BMPER: variants seen among roughly 807,000 people sequenced by gnomAD.
BMPER encodes the protein BMP binding endothelial regulator.
A neutral mutation model predicts 87.3 loss-of-function variants in BMPER; 45 were observed. That is an observed-to-expected ratio of 0.52 (90% confidence interval 0.41 to 0.66). The LOEUF (loss-of-function observed/expected upper bound fraction) is 0.66. Ranked by LOEUF, BMPER falls within the 30% of genes least tolerant of loss-of-function variation. BMPER has a pLI of 0.00. For missense variants in BMPER, 784 were observed against 867.5 expected (o/e 0.90, Z 1.21); for synonymous variants, 326 against 316.2 (o/e 1.03, Z -0.33).
intron 6 of BMPER, among the ~76,000 whole-genome samples, chr7:34,011,557 C>A (rs1208700937): frequency 1.5e-5 from 2 of 136,224 alleles, no homozygotes; most frequent in Non-Finnish European, 3.1e-5. Context: ...TGTAAATAGG[C>A]CTTTGCTGCT....
intron 11 of BMPER, among the ~76,000 whole-genome samples, chr7:34,078,508 T>C (rs1788924366): frequency 6.6e-6 from 1 of 152,248 alleles, no homozygotes; most frequent in African/African-American, 2.4e-5. Context: ...ATATACTTAC[T>C]TTGCTCTTGT....
At chr7:33,961,078 G>A (rs1047693148) in intron 3 of BMPER, among the ~76,000 whole-genome samples, 4 of 152,154 alleles carry the variant, frequency 2.6e-5, no homozygotes, top group African/African-American at 9.7e-5. Flanking sequence ...GAACATGGAT[G>A]AGATTCAGGC....
At position 34,103,779 on chromosome 7, in the gene BMPER, G is replaced by A. The variant is rs1028910993; in HGVS notation, c.1745+17687G>A. ...ACAGGTTTGAAGAGCTGCTATAAAG[G>A]GAGGCCTCTTGTGACCTTTGAGAGA... On this transcript the variant is annotated intron_variant, in intron 13 of 14. Transcript: ENST00000649409. 6.6e-5 allele frequency among the ~76,000 whole-genome samples: 10 copies of A among 152,286 alleles called. No homozygotes were observed. In the East Asian group the frequency reaches 1.7e-3, roughly 27 times the overall value.
chr7:33,996,184 A>T (rs1352776397), intron 6 of BMPER, among the ~76,000 whole-genome samples: 1 of 152,100 alleles, frequency 6.6e-6, no homozygotes, highest in Non-Finnish European at 1.5e-5. Flanking sequence ...CTTTAGTAAA[A>T]CTGTAGGGCT....
chr7:33,983,856 G>GA (rs1785924550), intron 6 of BMPER, among the ~76,000 whole-genome samples: 1 of 152,094 alleles, frequency 6.6e-6, no homozygotes, highest in Admixed American at 6.6e-5. Flanking sequence ...AAGCATTGGG[G>GA]AAAAAAACCC....
intron 6 of BMPER, among the ~76,000 whole-genome samples, chr7:33,996,534 G>C (rs1238857027): frequency 2.0e-5 from 3 of 152,182 alleles, no homozygotes; most frequent in Non-Finnish European, 4.4e-5. Context: ...ATAGTGGTTT[G>C]TAGTCTGAAT....
At chr7:34,048,964 CAG>C (rs1788067420) in intron 7 of BMPER, among the ~76,000 whole-genome samples, 2 of 152,142 alleles carry the variant, frequency 1.3e-5, no homozygotes, top group Admixed American at 6.5e-5. Flanking sequence ...CAGCAAGAAA[CAG>C]AGACAAAAAA....
At chr7:34,041,959 C>T (rs147581907) in intron 6 of BMPER, among the ~76,000 whole-genome samples, 4 of 152,268 alleles carry the variant, frequency 2.6e-5, no homozygotes, top group African/African-American at 7.2e-5. Flanking sequence ...CCACATCACA[C>T]GCTACAAGGT....
At chr7:33,928,060 G>A (rs1373552096) in intron 2 of BMPER, among the ~76,000 whole-genome samples, 1 of 152,050 alleles carries the variant, frequency 6.6e-6, no homozygotes, top group African/African-American at 2.4e-5. Context: ...CTTCACCCCT[G>A]GCCTGCAGAT....
At chr7:33,967,327 C>T (rs753127667) in intron 4 of BMPER, among the ~76,000 whole-genome samples, 13 of 152,302 alleles carry the variant, frequency 8.5e-5, no homozygotes, top group Non-Finnish European at 1.5e-4. Flanking sequence ...AACCCTATTT[C>T]GTTGTCCAAG....
chr7:34,018,125 A>G (rs773356060), intron 6 of BMPER, among the ~76,000 whole-genome samples: 4 of 151,944 alleles, frequency 2.6e-5, no homozygotes, highest in Admixed American at 6.6e-5. Flanking sequence ...TTGAGTTTGA[A>G]GTCGTCAGCC....
intron 10 of BMPER, among the ~76,000 whole-genome samples, chr7:34,059,725 A>G (rs2127964230): frequency 1.5e-5 from 2 of 133,198 alleles, no homozygotes; most frequent in Admixed American, 1.6e-4. Flanking sequence ...CCTCCCCTAC[A>G]TTGCCTGGGG....
At chr7:34,065,765 TAAA>T (rs1452787677) in intron 11 of BMPER, among the ~76,000 whole-genome samples, 5 of 152,240 alleles carry the variant, frequency 3.3e-5, no homozygotes, top group Non-Finnish European at 7.3e-5. Flanking sequence ...ACTCCACCTC[TAAA>T]AGCATGCAGG....
chr7:33,984,800 T>C (rs1008005931), intron 6 of BMPER, among the ~76,000 whole-genome samples: 1 of 152,232 alleles, frequency 6.6e-6, no homozygotes, highest in African/African-American at 2.4e-5. Flanking sequence ...ATCATTCCTT[T>C]AATTTTCTTC....
chr7:34,079,980 C>G (rs1035904849), intron 12 of BMPER, among the ~76,000 whole-genome samples: 27 of 152,188 alleles, frequency 1.8e-4, no homozygotes, highest in Non-Finnish European at 1.5e-5. Context: ...TGAATATCAG[C>G]CCCAGAGCAT....
intron 13 of BMPER, among the ~76,000 whole-genome samples, chr7:34,088,479 C>T (rs1159721990): frequency 2.0e-5 from 3 of 152,146 alleles, no homozygotes; most frequent in African/African-American, 7.2e-5. Context: ...CTCAGTGGAG[C>T]TCCAGAAAGG....
intron 10 of BMPER, among the ~76,000 whole-genome samples, chr7:34,058,549 A>G (rs1172687702): frequency 6.6e-6 from 1 of 152,164 alleles, no homozygotes; most frequent in Non-Finnish European, 1.5e-5. Flanking sequence ...ATTCAAAGTA[A>G]TATGTGGTTT....
chr7:34,030,320 T>C (rs1051747026), intron 6 of BMPER, among the ~76,000 whole-genome samples: 1 of 152,112 alleles, frequency 6.6e-6, no homozygotes, highest in South Asian at 2.1e-4. Context: ...GATCAGCATT[T>C]TCCAAATTGT....
chr7:33,981,427 T>C (rs2127917161), intron 6 of BMPER, among the ~76,000 whole-genome samples: 1 of 152,320 alleles, frequency 6.6e-6, no homozygotes, highest in South Asian at 2.1e-4. Flanking sequence ...CATTCCTTCT[T>C]TAGGGAAGCT....
Sources: gnomAD v4.1 joint callset for allele counts (sites outside exome capture counted in the v4.1 genomes callset) on GRCh38, gnomAD v4.1.1 for gene constraint, MANE v1.5 for transcripts, NCBI Gene and HGNC (gene_info 2026-07-23, HGNC 2026-07-21) for gene names.